Variants in GLO1 observed in about 807,000 individuals in gnomAD.
GLO1 encodes glyoxalase I.
A neutral mutation model predicts 26.0 loss-of-function variants in GLO1; 28 were observed. That is an observed-to-expected ratio of 1.08 (90% CI 0.80 to 1.48). GLO1 has a LOEUF of 1.48. Ranked by LOEUF, GLO1 falls within the 40% of genes most tolerant of loss-of-function variation. The probability of loss-of-function intolerance (pLI) is 0.00; values close to 1 mark genes in which losing one functional copy is unlikely to be tolerated. For missense variants in GLO1, 225 were observed against 224.8 expected, an observed-to-expected ratio of 1.00 and a Z score of -0.01; for synonymous variants, 78 against 77.6, an observed-to-expected ratio of 1.00 and a Z score of -0.03.
chr6:38,679,410 G>A (rs568723541), intron 5 of GLO1, among the ~76,000 whole-genome samples: 2 of 152,108 alleles, frequency 1.3e-5, no homozygotes, highest in African/African-American at 4.8e-5. Context: ...TGATCCTCCC[G>A]AACCTCCCAA....
At chr6:38,686,658 A>C (rs1180135437) in intron 2 of GLO1, among the ~76,000 whole-genome samples, 4 of 152,248 alleles carry the variant, frequency 2.6e-5, no homozygotes, top group Admixed American at 2.6e-4. Flanking sequence ...CAGAGAAGGC[A>C]GACTGGAGAA....
intron 5 of GLO1, among the ~76,000 whole-genome samples, chr6:38,678,346 GA>G (rs1761301657): frequency 6.8e-6 from 1 of 146,066 alleles, no homozygotes; most frequent in African/African-American, 2.5e-5. Flanking sequence ...GAGAAAGAGA[GA>G]AAGAGAGAAG....
rs866054659 is a variant in GLO1 at position 38,701,949 on chromosome 6, T to A, written c.84+1022A>T. Among the ~76,000 whole-genome samples the A allele has an allele frequency of 8.7e-3, 1,297 of 149,792 alleles. 12 individuals are homozygous for A. Among genetic ancestry groups the A allele is most frequent in the African/African-American group, 0.031 (1,224 of 40,102 alleles). On this transcript the variant is annotated intron_variant, in intron 1 of 5. Coordinates refer to ENST00000373365, the MANE Select transcript of GLO1 (RefSeq NM_006708.3). ...CTGAATTTTTTTTTTTTTTTTTTTT[T>A]AGACAGAGTCTCACTCTGTCGCCCA...
chr6:38,702,901 T>G (rs1582784981), intron 1 of GLO1, 70 bp downstream of exon 1: 3 of 854,708 alleles, frequency 3.5e-6, no homozygotes, highest in East Asian at 2.6e-5. Context: ...CGGGATGGGG[T>G]TGGATAGAAT....
intron 1 of GLO1, among the ~76,000 whole-genome samples, chr6:38,699,554 A>G (rs1298009360): frequency 6.6e-6 from 1 of 152,132 alleles, no homozygotes; most frequent in Non-Finnish European, 1.5e-5. Context: ...CAAGTAGGAG[A>G]GATATTGCTA....
intron 5 of GLO1, among the ~76,000 whole-genome samples, chr6:38,680,361 A>G (rs1761352588): frequency 6.6e-6 from 1 of 152,152 alleles, no homozygotes; most frequent in Non-Finnish European, 1.5e-5. Context: ...GTCTCTACTA[A>G]AAATACAAAA....
chr6:38,700,839 G>T (rs1349238875), intron 1 of GLO1, among the ~76,000 whole-genome samples: 4 of 150,020 alleles, frequency 2.7e-5, no homozygotes, highest in African/African-American at 7.4e-5. Context: ...GAATGCAGTG[G>T]CATGATCTCG....
chr6:38,687,099 T>A, intron 1 of GLO1, 125 bp from the exon 2 acceptor site: 1 of 1,457,328 alleles, frequency 6.9e-7, no homozygotes, highest in Non-Finnish European at 9.0e-7. Flanking sequence ...GCAAGGGCTC[T>A]CTGCTCAGTG....
chr6:38,702,830 C>T (rs1370988693), intron 1 of GLO1, 141 bp downstream of exon 1: 2 of 591,614 alleles, frequency 3.4e-6, no homozygotes, highest in Admixed American at 6.2e-5. Context: ...CCATCAAACA[C>T]CATTATCCCT....
chr6:38,693,658 G>GCTCTCTCTCTCT (rs71543936), intron 1 of GLO1, among the ~76,000 whole-genome samples: 68 of 127,576 alleles, frequency 5.3e-4, no homozygotes, highest in Admixed American at 9.6e-4. Flanking sequence ...TTTTCATTCA[G>GCTCTCTCTCTCT]CTCTCTCTCT....
intron 1 of GLO1, among the ~76,000 whole-genome samples, chr6:38,702,299 GACATGTTCGGTAA>G (rs1464316886): frequency 1.3e-5 from 2 of 152,208 alleles, no homozygotes; most frequent in East Asian, 3.8e-4. Flanking sequence ...ACCCAGTAAA[GACATGTTCGGTAA>G]GTGAAAGCCT....
Position 38,684,514 on chromosome 6 carries a change from C to A in GLO1, c.168G>T (p.Thr56=). The A allele has an allele frequency of 1.3e-6, 2 of 1,504,140 alleles. No individual in the cohort carries two copies. The highest frequency in any genetic ancestry group is 1.8e-6 in the Non-Finnish European group (2 of 1,125,724). The allele number at this position is 1,504,140 out of a possible 1,614,324, so 93.2% of individuals were successfully genotyped here. Residue 56 remains threonine, a splice_region_variant and synonymous_variant, in exon 3 of 6, where the codon ACG becomes ACT. Transcript: ENST00000373365. ...LDFYTRVLGM[T]LIQKCDFPIM... ...TGGGAAAATCACATTTTTGGATTAG[C>A]CTGCAATGAAAAAACAACAAGCCTG...
At chr6:38,685,656 A>G (rs1761451724) in intron 2 of GLO1, among the ~76,000 whole-genome samples, 1 of 152,234 alleles carries the variant, frequency 6.6e-6, no homozygotes, top group Non-Finnish European at 1.5e-5. Context: ...ATAATAAAGT[A>G]TCAAACACCT....
chr6:38,697,797 C>T (rs1444441602), intron 1 of GLO1, among the ~76,000 whole-genome samples: 1 of 152,200 alleles, frequency 6.6e-6, no homozygotes, highest in African/African-American at 2.4e-5. Context: ...TAAAAATGAG[C>T]TTTTCAACTG....
chr6:38,689,950 G>A (rs1471886458), intron 1 of GLO1, among the ~76,000 whole-genome samples: 5 of 151,844 alleles, frequency 3.3e-5, no homozygotes, highest in African/African-American at 4.8e-5. Flanking sequence ...TCAGCCTCCC[G>A]AGTAGCTGGG....
At chr6:38,692,146 T>C (rs1306229707) in intron 1 of GLO1, among the ~76,000 whole-genome samples, 1 of 152,194 alleles carries the variant, frequency 6.6e-6, no homozygotes, top group Non-Finnish European at 1.5e-5. Flanking sequence ...AGAATTGATA[T>C]CCTTACTGTG....
intron 3 of GLO1, 57 bp downstream of exon 3, chr6:38,684,317 T>C: frequency 4.2e-6 from 4 of 941,320 alleles, no homozygotes; most frequent in Non-Finnish European, 5.6e-6. Flanking sequence ...AAAAAAGATT[T>C]TTAAAAACTA....
intron 4 of GLO1, 85 bp downstream of exon 4, chr6:38,682,722 GT>G (rs1761399686): frequency 1.4e-6 from 1 of 698,862 alleles, no homozygotes; most frequent in Non-Finnish European, 2.6e-6. Flanking sequence ...GGACATTAAT[GT>G]TTTAGGTTTA....
chr6:38,696,982 G>A (rs999158694), intron 1 of GLO1, among the ~76,000 whole-genome samples: 3 of 149,764 alleles, frequency 2.0e-5, no homozygotes, highest in Non-Finnish European at 4.4e-5. Context: ...GCAATGGCAC[G>A]ATCTCGGCTC....
Sources: gnomAD v4.1 joint callset for allele counts (sites outside exome capture counted in the v4.1 genomes callset) on GRCh38, gnomAD v4.1.1 for gene constraint, MANE v1.5 for transcripts, NCBI Gene and HGNC (gene_info 2026-07-23, HGNC 2026-07-21) for gene names.